Variants in TRMT10B observed in about 807,000 individuals in gnomAD.
The protein encoded by TRMT10B is tRNA methyltransferase 10 homolog B.
TRMT10B carries 33 observed loss-of-function variants against 43.8 expected under a neutral mutation model. The observed-to-expected ratio is 0.75, with a 90% CI of 0.57 to 1.01. TRMT10B has a LOEUF of 1.01. Among genes scored for constraint, TRMT10B ranks in the 50% least tolerant of loss-of-function variants. The pLI is 0.00. For synonymous variants in TRMT10B, 137 were observed against 130.6 expected, an observed-to-expected ratio of 1.05 and a Z score of -0.34; for missense variants, 362 against 369.8, an observed-to-expected ratio of 0.98 and a Z score of 0.17.
intron 5 of TRMT10B, 92 bp from the exon 6 acceptor site, chr9:37,769,849 C>CTT: frequency 2.1e-6 from 2 of 959,620 alleles, no homozygotes; most frequent in East Asian, 4.8e-5. Flanking sequence ...GTGATCCTTC[C>CTT]ACCTTAGCCT....
intron 1 of TRMT10B, among the ~76,000 whole-genome samples, chr9:37,755,767 T>C (rs1471832908): frequency 6.6e-6 from 1 of 152,098 alleles, no homozygotes; most frequent in East Asian, 1.9e-4. Flanking sequence ...AAACATGAGG[T>C]AAAAGGAGGG....
chr9:37,760,201 T>C (rs1478905311), intron 1 of TRMT10B, among the ~76,000 whole-genome samples: 1 of 152,190 alleles, frequency 6.6e-6, no homozygotes, highest in Non-Finnish European at 1.5e-5. Context: ...CTGGCGCCTG[T>C]AATCCCACTA....
At chr9:37,774,266 T>G (rs1220846875) in intron 7 of TRMT10B, among the ~76,000 whole-genome samples, 1 of 152,164 alleles carries the variant, frequency 6.6e-6, no homozygotes, top group African/African-American at 2.4e-5. Context: ...CCTCCCAAAG[T>G]GCTGAGATTG....
At position 37,768,237 on chromosome 9, in the gene TRMT10B, C is replaced by T; in HGVS notation, c.573+9C>T. The stretch of plus-strand genomic sequence containing the variant: ...GATTTTCTAGTTACCTGGTAAGTCT[C>T]TTTTTGCATATTATTTGAATTGTCA... On this transcript the variant is annotated intron_variant, in intron 5 of 8. Coordinates refer to ENST00000297994, the MANE Select transcript of TRMT10B (RefSeq NM_144964.4). The T allele has an allele frequency of 1.9e-6, 3 of 1,601,248 alleles. No individual in the cohort carries two copies. The highest frequency in any genetic ancestry group is 2.6e-6 in the Non-Finnish European group (3 of 1,172,976).
intron 4 of TRMT10B, 50 bp downstream of exon 4, chr9:37,763,803 A>C (rs766745176): frequency 6.2e-7 from 1 of 1,612,072 alleles, no homozygotes. Context: ...AGGGAGGCCC[A>C]GAAGGGTACA....
rs566756304 is a variant in TRMT10B at position 37,755,058 on chromosome 9, C to T, written c.-30+1206C>T. ...GGCCCAGACAGGTGGGTCGCGAGGT[C>T]AGGAGATCGAGACCATCCTGGCTAA... On this transcript the variant is annotated intron_variant, in intron 1 of 8. Coordinates refer to ENST00000297994, the MANE Select transcript of TRMT10B (RefSeq NM_144964.4). Among the ~76,000 whole-genome samples the T allele has an allele frequency of 1.1e-4, 16 of 152,112 alleles. No individual in the cohort carries two copies. The East Asian group carries it at 3.1e-3, about 29-fold the overall frequency.
chr9:37,753,455 G>C (rs1825183191), upstream of TRMT10B, among the ~76,000 whole-genome samples: 1 of 152,174 alleles, frequency 6.6e-6, no homozygotes, highest in Non-Finnish European at 1.5e-5. Context: ...GTTTCCTTCG[G>C]CAGAGAGGGA....
intron 1 of TRMT10B, among the ~76,000 whole-genome samples, chr9:37,756,722 A>G (rs193105573): frequency 2.4e-4 from 36 of 148,700 alleles, no homozygotes; most frequent in African/African-American, 9.1e-4. Context: ...CTCATCTCAA[A>G]AAGATATATA....
intron 4 of TRMT10B, among the ~76,000 whole-genome samples, chr9:37,765,930 GTTTT>G (rs36167672): frequency 1.4e-5 from 2 of 143,330 alleles, no homozygotes; most frequent in Non-Finnish European, 3.0e-5. Context: ...TTTTTGATGG[GTTTT>G]TTTTTTTTTG....
intron 1 of TRMT10B, among the ~76,000 whole-genome samples, chr9:37,757,893 A>G (rs1408193740): frequency 6.6e-6 from 1 of 152,196 alleles, no homozygotes; most frequent in East Asian, 1.9e-4. Flanking sequence ...AGTGTGTCTG[A>G]ATTCTAAGAA....
At chr9:37,754,153 C>T (rs1365890700) in intron 1 of TRMT10B, among the ~76,000 whole-genome samples, 3 of 152,218 alleles carry the variant, frequency 2.0e-5, no homozygotes, top group Non-Finnish European at 2.9e-5. Context: ...CCTCTGCCAA[C>T]CTAGGGTGGG....
intron 7 of TRMT10B, among the ~76,000 whole-genome samples, chr9:37,771,522 T>G (rs1233721691): frequency 6.6e-6 from 1 of 152,238 alleles, no homozygotes; most frequent in Non-Finnish European, 1.5e-5. Flanking sequence ...TAGGTTAATT[T>G]AATTGAATTT....
chr9:37,768,191 A>T lies in TRMT10B; in HGVS notation c.536A>T (p.Glu179Val). The change falls in exon 5 of 9, where the codon GAG becomes GTG. Residue 179 changes from glutamate to valine, a missense_variant. Physicochemically the swap from Glu to Val is moderately radical, Grantham distance 121. Coordinates refer to ENST00000297994, the MANE Select transcript of TRMT10B (RefSeq NM_144964.4). ...ACAACAGACAGTCCCCTTTATGAAG[A>T]GTGTGTGAGGATGAATGATGGATTT... ...GFTTDSPLYE[E>V]CVRMNDGFSS... 1 of 1,614,068 alleles carries T rather than the reference A, an allele frequency of 6.2e-7. No individual in the cohort carries two copies. Among genetic ancestry groups the T allele is most frequent in the Non-Finnish European group, 8.5e-7 (1 of 1,179,968 alleles).
chr9:37,768,902 A>T (rs1356947974), intron 5 of TRMT10B, among the ~76,000 whole-genome samples: 1 of 152,208 alleles, frequency 6.6e-6, no homozygotes, highest in Non-Finnish European at 1.5e-5. Context: ...ATTCTTTTAC[A>T]TAAGCCAAAC....
At chr9:37,765,164 A>G (rs1479259235) in intron 4 of TRMT10B, among the ~76,000 whole-genome samples, 1 of 152,186 alleles carries the variant, frequency 6.6e-6, no homozygotes, top group African/African-American at 2.4e-5. Flanking sequence ...TTTGTTACAT[A>G]GGTATACGTG....
intron 1 of TRMT10B, among the ~76,000 whole-genome samples, chr9:37,754,988 G>C (rs1484234050): frequency 6.6e-6 from 1 of 152,188 alleles, no homozygotes; most frequent in Non-Finnish European, 1.5e-5. Flanking sequence ...AAAGGTCACA[G>C]GGTCGGGTGT....
intron 1 of TRMT10B, among the ~76,000 whole-genome samples, chr9:37,754,231 C>T (rs966862660): frequency 2.0e-5 from 3 of 152,124 alleles, no homozygotes; most frequent in African/African-American, 2.4e-5. Flanking sequence ...ACAACACTTG[C>T]CTACATTGAA....
chr9:37,777,627 GAGACTCACAACTGGCCTGAAGCATTGA>G lies in TRMT10B; in HGVS notation c.875_901del (p.Thr292_Lys300del). Reference sequence around the variant, plus strand: ...GTTTGATATCCTGTCCACTTACTTAGAGACTCACAACTGGCCTGAAGCATTGAAGAAAGGAGTTTCTTCAGGAAAAGG... The same window carrying G: ...GTTTGATATCCTGTCCACTTACTTAGAGAAAGGAGTTTCTTCAGGAAAAGG... On this transcript the variant is annotated inframe_deletion, in exon 9 of 9. Transcript: ENST00000297994. The G allele has an allele frequency of 6.2e-7, 1 of 1,613,870 alleles. No individual in the cohort carries two copies. Among genetic ancestry groups the G allele is most frequent in the South Asian group, 1.1e-5 (1 of 91,074 alleles).
chr9:37,766,030 C>T (rs1173069696), intron 4 of TRMT10B, among the ~76,000 whole-genome samples: 1 of 151,376 alleles, frequency 6.6e-6, no homozygotes, highest in Non-Finnish European at 1.5e-5. Context: ...CTGTAGGTTG[C>T]CTGTTCACTC....
Sources: allele counts gnomAD v4.1 joint callset (sites outside exome capture counted in the v4.1 genomes callset), GRCh38; gene constraint gnomAD v4.1.1; transcripts MANE v1.5; gene names NCBI Gene and HGNC (gene_info 2026-07-23, HGNC 2026-07-21).